ZNF423: variants seen among roughly 807,000 people sequenced by gnomAD.
ZNF423 encodes the protein zinc finger protein 423, also known as Ebf-associated zinc finger protein.
Under a neutral mutation model 95.8 loss-of-function variants are expected in ZNF423, and 12 were observed. The observed-to-expected ratio is 0.13, with a 90% CI of 0.08 to 0.20. The LOEUF is 0.20. Among genes scored for constraint, ZNF423 ranks in the 10% least tolerant of loss-of-function variants. ZNF423 has a pLI of 1.00. For missense variants in ZNF423, 1,316 were observed against 1,737.1 expected, an observed-to-expected ratio of 0.76 and a Z score of 4.31; for synonymous variants, 749 against 711.9, an observed-to-expected ratio of 1.05 and a Z score of -0.83.
chr16:49,798,536 T>C (rs2143880562), intron 1 of ZNF423, among the ~76,000 whole-genome samples: 1 of 152,212 alleles, frequency 6.6e-6, no homozygotes, highest in Middle Eastern at 3.4e-3. Context: ...AAAAGAAGCC[T>C]GTTTTCAGAC....
intron 4 of ZNF423, among the ~76,000 whole-genome samples, chr16:49,629,330 C>A (rs1358282284): frequency 1.3e-5 from 2 of 152,162 alleles, no homozygotes; most frequent in Non-Finnish European, 2.9e-5. Context: ...TCCATTTATA[C>A]TTAGTGTAAT....
At chr16:49,568,240 T>TGCA (rs2151781946) in intron 5 of ZNF423, among the ~76,000 whole-genome samples, 1 of 152,288 alleles carries the variant, frequency 6.6e-6, no homozygotes, top group South Asian at 2.1e-4. Flanking sequence ...AGGACTCTCC[T>TGCA]GTCATGGAAC....
At chr16:49,697,144 C>T (rs2032005791) in intron 3 of ZNF423, among the ~76,000 whole-genome samples, 1 of 152,202 alleles carries the variant, frequency 6.6e-6, no homozygotes, top group African/African-American at 2.4e-5. Context: ...CTCATTTCAG[C>T]CCTCACCAAG....
At position 49,795,432 on chromosome 16, in the gene ZNF423, G is replaced by A. The variant is rs201073349; in HGVS notation, c.41-5886C>T. Among the ~76,000 whole-genome samples, 15 of 152,310 alleles carry A rather than the reference G, an allele frequency of 9.8e-5. No individual in the cohort carries two copies. In the East Asian group the frequency reaches 2.5e-3, roughly 26 times the overall value. On this transcript the variant is annotated intron_variant, in intron 1 of 7. Transcript: ENST00000563137. Reference sequence around the variant, plus strand: ...CACAAACCACTCCTGCCTGGGGTCAGGCAGGCACTGAACAGAAAACTCTGG... The same window carrying A: ...CACAAACCACTCCTGCCTGGGGTCAAGCAGGCACTGAACAGAAAACTCTGG...
intron 1 of ZNF423, among the ~76,000 whole-genome samples, chr16:49,797,856 C>T (rs548897498): frequency 6.6e-6 from 1 of 152,302 alleles, no homozygotes; most frequent in South Asian, 2.1e-4. Flanking sequence ...TCTGTCCACA[C>T]CCTGCCCCCC....
intron 5 of ZNF423, among the ~76,000 whole-genome samples, chr16:49,540,692 C>T (rs1388940217): frequency 6.6e-6 from 1 of 152,172 alleles, no homozygotes; most frequent in Non-Finnish European, 1.5e-5. Flanking sequence ...ACCTTAGTGA[C>T]AATTTAGAAT....
At chr16:49,623,013 T>G (rs1972137470) in intron 5 of ZNF423, among the ~76,000 whole-genome samples, 1 of 152,018 alleles carries the variant, frequency 6.6e-6, no homozygotes. Context: ...GTCAAGGTCC[T>G]CTGGTAGACT....
At position 49,748,637 on chromosome 16, in the gene ZNF423, C is replaced by T. The variant is rs192528020; in HGVS notation, c.101-17666G>A. Among the ~76,000 whole-genome samples the T allele has an allele frequency of 1.4e-4, 22 of 152,356 alleles. No homozygotes were observed. The East Asian group carries it at 4.2e-3, about 29-fold the overall frequency. The stretch of plus-strand genomic sequence containing the variant: ...CCGGGTGACATCACCTGATCACTTA[C>T]TACAGGCAAGACATGGCCAGGGTCA... On this transcript the variant is annotated intron_variant, in intron 2 of 7. Transcript: ENST00000563137.
At position 49,663,173 on chromosome 16, in the gene ZNF423, G is replaced by A. The variant is rs148470777; in HGVS notation, c.302-24299C>T. Among the ~76,000 whole-genome samples, 5 of 152,240 alleles carry A rather than the reference G, an allele frequency of 3.3e-5. No homozygotes were observed. The East Asian group carries it at 5.8e-4, about 18-fold the overall frequency. On this transcript the variant is annotated intron_variant, in intron 3 of 7. Transcript: ENST00000563137. Reference sequence around the variant, plus strand: ...TCACACCCCGCGCCAGCAACACCACGCAGGATTGGTACTCCTGCCAAAATA... The same window carrying A: ...TCACACCCCGCGCCAGCAACACCACACAGGATTGGTACTCCTGCCAAAATA...
chr16:49,590,737 C>T (rs1020962823), intron 5 of ZNF423, among the ~76,000 whole-genome samples: 2 of 152,198 alleles, frequency 1.3e-5, no homozygotes, highest in Admixed American at 1.3e-4. Context: ...GAACCAGGGG[C>T]CTCCCAGTAA....
chr16:49,651,991 T>C (rs1422911950), intron 3 of ZNF423, among the ~76,000 whole-genome samples: 3 of 152,182 alleles, frequency 2.0e-5, no homozygotes, highest in African/African-American at 7.2e-5. Context: ...TCCCAGGACA[T>C]CAGCCCTGAA....
At position 49,855,674 on chromosome 16, in the gene ZNF423, T is replaced by TCCCTCGCTCCCTCCC. The variant is rs1268357981; in HGVS notation, c.40+46_40+60dup. ...AGCCAGCCCGCTCGCCGGTCCCTCC[T>TCCCTCGCTCCCTCCC]CCCTCGCTCCCTCCCTCCTCGCTCG... is the stretch of plus-strand genomic sequence containing the variant. On this transcript the variant is annotated intron_variant, in intron 1 of 7. Transcript: ENST00000563137. The surrounding 1 kb of genome is among the most constrained non-coding windows in gnomAD (Gnocchi z 4.7). The TCCCTCGCTCCCTCCC allele has an allele frequency of 6.2e-6, 1 of 160,432 alleles. No homozygotes were observed. Among genetic ancestry groups the TCCCTCGCTCCCTCCC allele is most frequent in the Non-Finnish European group, 1.4e-5 (1 of 74,008 alleles). The allele number at this position is 160,432 out of a possible 1,614,324, so 9.9% of individuals were successfully genotyped here.
chr16:49,576,065 C>T (rs1970489073), intron 5 of ZNF423, among the ~76,000 whole-genome samples: 1 of 152,168 alleles, frequency 6.6e-6, no homozygotes, highest in African/African-American at 2.4e-5. Context: ...GGTCAGTGTT[C>T]TCATCTTACC....
chr16:49,575,539 C>G (rs1970470373), intron 5 of ZNF423, among the ~76,000 whole-genome samples: 1 of 152,174 alleles, frequency 6.6e-6, no homozygotes, highest in Non-Finnish European at 1.5e-5. Context: ...TGCCCCAGTC[C>G]TCGTTCAGCA....
chr16:49,849,504 G>A (rs576725832), intron 1 of ZNF423, among the ~76,000 whole-genome samples: 8 of 152,328 alleles, frequency 5.3e-5, no homozygotes, highest in African/African-American at 1.2e-4. Flanking sequence ...TATCTTGGCT[G>A]CTTTAGTCAC....
chr16:49,519,530 G>C (rs567341303), intron 7 of ZNF423, among the ~76,000 whole-genome samples: 1 of 152,174 alleles, frequency 6.6e-6, no homozygotes, highest in Non-Finnish European at 1.5e-5. Context: ...CATTTTCTTT[G>C]GTGAGACATC....
At chr16:49,594,698 T>A (rs1343271727) in intron 5 of ZNF423, among the ~76,000 whole-genome samples, 1 of 151,656 alleles carries the variant, frequency 6.6e-6, no homozygotes, top group East Asian at 1.9e-4. Flanking sequence ...CACAAAGACA[T>A]CTAAACCCAT....
chr16:49,634,275 C>T (rs1972605912), intron 4 of ZNF423, among the ~76,000 whole-genome samples: 1 of 149,132 alleles, frequency 6.7e-6, no homozygotes, highest in Non-Finnish European at 1.5e-5. Flanking sequence ...ATGGTGTGAT[C>T]ATAGCTAACT....
At chr16:49,840,653 GCACACACATGCA>G (rs1302439087) in intron 1 of ZNF423, among the ~76,000 whole-genome samples, 1 of 152,082 alleles carries the variant, frequency 6.6e-6, no homozygotes, top group African/African-American at 2.4e-5. Flanking sequence ...ACTCACACAG[GCACACACATGCA>G]CACACACATA....
Sources: gnomAD v4.1 joint callset for allele counts (sites outside exome capture counted in the v4.1 genomes callset) on GRCh38, gnomAD v4.1.1 for gene constraint, Gnocchi (gnomAD v3.1) non-coding constraint, MANE v1.5 for transcripts, NCBI Gene and HGNC (gene_info 2026-07-23, HGNC 2026-07-21) for gene names.